The following CYTH1 variants were observed in gnomAD, a reference collection of about 807,000 sequenced individuals.
CYTH1 encodes cytohesin-1.
Under a neutral mutation model 61.8 loss-of-function variants are expected in CYTH1, and 18 were observed. The observed-to-expected ratio is 0.29, with a 90% CI of 0.20 to 0.43. CYTH1 has a LOEUF of 0.43. CYTH1 is among the 20% of genes least tolerant of loss of function. The pLI, the probability that CYTH1 is intolerant of heterozygous loss-of-function variation, is 1.00. For missense variants in CYTH1, 336 were observed against 510.5 expected (o/e 0.66, Z 3.29); for synonymous variants, 174 against 184.3 (o/e 0.94, Z 0.45).
chr17:78,704,811 C>T (rs1027607662), intron 3 of CYTH1, among the ~76,000 whole-genome samples: 1 of 152,150 alleles, frequency 6.6e-6, no homozygotes, highest in African/African-American at 2.4e-5. Flanking sequence ...CATGAGTCAT[C>T]GCATCCAGGC....
intron 9 of CYTH1, among the ~76,000 whole-genome samples, chr17:78,697,756 A>G (rs2092956380): frequency 6.6e-6 from 1 of 152,118 alleles, no homozygotes; most frequent in African/African-American, 2.4e-5. Flanking sequence ...TGGGGGCAGG[A>G]GCGCCAGGTA....
intron 1 of CYTH1, chr17:78,736,588 A>G: frequency 4.4e-6 from 1 of 226,798 alleles, no homozygotes; most frequent in Middle Eastern, 4.7e-4. Context: ...TCAGTAAACT[A>G]TCCTCACAGG....
rs138679590 is a variant in CYTH1 at position 78,718,391 on chromosome 17, T to C, written c.23-8659A>G. Among the ~76,000 whole-genome samples the C allele has an allele frequency of 2.3e-3, 353 of 152,280 alleles. 2 individuals carry two copies. Among genetic ancestry groups the C allele is most frequent in the African/African-American group, 8.0e-3 (331 of 41,546 alleles). ...CTGCTCAGAGGAGAACAACTGGCTA[T>C]TTACAAACCAGGCTTTGGGCTCAAA... On this transcript the variant is annotated intron_variant, in intron 1 of 13. Coordinates refer to ENST00000446868, the MANE Select transcript of CYTH1 (RefSeq NM_004762.6).
intron 1 of CYTH1, among the ~76,000 whole-genome samples, chr17:78,766,946 C>CT (rs1184032817): frequency 6.6e-6 from 1 of 152,198 alleles, no homozygotes; most frequent in African/African-American, 2.4e-5. Context: ...CCTTTAGAAT[C>CT]TCTCTACTTC....
At chr17:78,751,051 C>T (rs2093378123) in intron 1 of CYTH1, among the ~76,000 whole-genome samples, 1 of 151,890 alleles carries the variant, frequency 6.6e-6, no homozygotes, top group Admixed American at 6.6e-5. Context: ...TGGTGACATC[C>T]TGGCTCACTG....
At chr17:78,696,528 C>T (rs919562134) in intron 9 of CYTH1, among the ~76,000 whole-genome samples, 8 of 152,208 alleles carry the variant, frequency 5.3e-5, no homozygotes, top group Non-Finnish European at 8.8e-5. Context: ...CAGCTACAGA[C>T]GGCTGGAAGC....
At chr17:78,768,576 T>C (rs2093458064) in intron 1 of CYTH1, among the ~76,000 whole-genome samples, 1 of 152,160 alleles carries the variant, frequency 6.6e-6, no homozygotes, top group Non-Finnish European at 1.5e-5. Flanking sequence ...TTCAATGCTA[T>C]GTCCCTCCCA....
chr17:78,730,369 CAAAAAA>C (rs56790957), intron 1 of CYTH1, among the ~76,000 whole-genome samples: 7 of 95,354 alleles, frequency 7.3e-5, no homozygotes, highest in South Asian at 3.9e-4. Flanking sequence ...ACTAAAAATA[CAAAAAA>C]AAAAAAAAAA....
At chr17:78,773,300 C>T (rs2093478780) in intron 1 of CYTH1, among the ~76,000 whole-genome samples, 1 of 151,984 alleles carries the variant, frequency 6.6e-6, no homozygotes, top group South Asian at 2.1e-4. Context: ...TGAGACCCTG[C>T]TCTATTTAAT....
chr17:78,756,873 G>C (rs1036533130), intron 1 of CYTH1, among the ~76,000 whole-genome samples: 2 of 151,352 alleles, frequency 1.3e-5, no homozygotes, highest in East Asian at 3.9e-4. Context: ...AGGATGCTGA[G>C]AGGTTAGGAA....
Position 78,697,354 on chromosome 17 carries a change from T to TATGTCCAG in CYTH1, c.811+907_811+914dup, listed in dbSNP as rs1470876588. 3.3e-5 allele frequency among the ~76,000 whole-genome samples: 5 copies of TATGTCCAG among 150,670 alleles called. No homozygotes were observed. In the East Asian group the frequency reaches 7.8e-4, roughly 23 times the overall value. On this transcript the variant is annotated intron_variant, in intron 9 of 13. Transcript: ENST00000446868. ...AAAAAAAAAAAAAAAAGGACATCATTATGTCCAGAGAGTCTAGAGCTCTAT... is the reference window on the plus strand; with the variant it reads ...AAAAAAAAAAAAAAAAGGACATCATTATGTCCAGATGTCCAGAGAGTCTAGAGCTCTAT...
At chr17:78,681,109 G>A (rs1387355054) in intron 11 of CYTH1, 67 bp from the exon 12 acceptor site, 13 of 1,526,834 alleles carry the variant, frequency 8.5e-6, no homozygotes, top group South Asian at 4.7e-5. Context: ...CAGATTCCTC[G>A]CCGGTGACTC....
chr17:78,700,246 C>T lies in CYTH1; in HGVS notation c.550+85G>A. On this transcript the variant is annotated intron_variant, in intron 7 of 13. Transcript: ENST00000446868. The surrounding 1 kb of genome is among the most constrained non-coding windows in gnomAD (Gnocchi z 5.1). ...ACGTTCCTAGGCATGAATCTCAGCC[C>T]TTTTGTTTTAGAAATTATCTGGTGC... The T allele has an allele frequency of 8.2e-7, 1 of 1,212,808 alleles. No individual in the cohort carries two copies. Among genetic ancestry groups the T allele is most frequent in the South Asian group, 1.5e-5 (1 of 64,624 alleles). The allele number at this position is 1,212,808 out of a possible 1,614,324, so 75.1% of individuals were successfully genotyped here.
intron 11 of CYTH1, 142 bp from the exon 12 acceptor site, chr17:78,681,184 C>A (rs1264857713): frequency 1.3e-6 from 1 of 747,450 alleles, no homozygotes; most frequent in East Asian, 2.6e-5. Flanking sequence ...GAACTCCTTA[C>A]ATTCTAAACA....
At chr17:78,774,662 C>A (rs890158416) in intron 1 of CYTH1, among the ~76,000 whole-genome samples, 1 of 152,110 alleles carries the variant, frequency 6.6e-6, no homozygotes, top group African/African-American at 2.4e-5. Context: ...TCTCCCCAGC[C>A]CGCAGCAGCA....
Position 78,675,631 on chromosome 17 carries a change from T to TAAA in CYTH1, c.*457_*459dup. 1 of 257,214 alleles carries TAAA rather than the reference T, an allele frequency of 3.9e-6. No individual in the cohort carries two copies. Among genetic ancestry groups the TAAA allele is most frequent in the Non-Finnish European group, 7.3e-6 (1 of 137,878 alleles). 15.9% of individuals were successfully genotyped at this position (257,214 alleles called of 1,614,324 possible). Reference sequence around the variant, plus strand: ...ACCTGAACAGCCCTACGTTCTCTCTTAAAAAAAAAAAAATAGATCTTTATA... The same window carrying TAAA: ...ACCTGAACAGCCCTACGTTCTCTCTTAAAAAAAAAAAAAAAATAGATCTTTATA... On this transcript the variant is annotated 3_prime_UTR_variant, in exon 14 of 14. Coordinates refer to ENST00000446868, the MANE Select transcript of CYTH1 (RefSeq NM_004762.6).
Position 78,674,253 on chromosome 17 carries a change from A to G in CYTH1, c.*1838T>C, listed in dbSNP as rs1365399104. Reference sequence around the variant, plus strand: ...CTAAAAGGAGAAAAACTATACATAGATTATTTACACCTCTGATAAATAGAC... The same window carrying G: ...CTAAAAGGAGAAAAACTATACATAGGTTATTTACACCTCTGATAAATAGAC... On this transcript the variant is annotated 3_prime_UTR_variant, in exon 14 of 14. Transcript: ENST00000446868. 1.3e-5 allele frequency: 2 copies of G among 152,670 alleles called. No homozygotes were observed. Among genetic ancestry groups the G allele is most frequent in the Non-Finnish European group, 2.9e-5 (2 of 68,036 alleles). The allele number at this position is 152,670 out of a possible 1,614,324, so 9.5% of individuals were successfully genotyped here.
Position 78,700,090 on chromosome 17 carries a change from C to A in CYTH1, c.550+241G>T, listed in dbSNP as rs117521132. Reference sequence around the variant, plus strand: ...CATTACCAGTGTGAGCCACTGCATGCAGCTAAAACATGGTTTTTAATAGCT... The same window carrying A: ...CATTACCAGTGTGAGCCACTGCATGAAGCTAAAACATGGTTTTTAATAGCT... On this transcript the variant is annotated intron_variant, in intron 7 of 13. Transcript: ENST00000446868. This position sits in a 1 kb window ranked among gnomAD's most constrained non-coding sequence, Gnocchi z 5.1. Among the ~76,000 whole-genome samples the A allele has an allele frequency of 0.011, 1,654 of 152,336 alleles. 10 individuals carry two copies. The highest frequency in any genetic ancestry group is 0.016 in the Non-Finnish European group (1,091 of 68,026).
intron 3 of CYTH1, among the ~76,000 whole-genome samples, chr17:78,705,240 T>C (rs956923341): frequency 6.6e-6 from 1 of 152,068 alleles, no homozygotes; most frequent in Non-Finnish European, 1.5e-5. Flanking sequence ...CTCCCAGATA[T>C]CCGCCAGTCA....
Sources: gnomAD v4.1 joint callset for allele counts (sites outside exome capture counted in the v4.1 genomes callset) on GRCh38, gnomAD v4.1.1 for gene constraint, Gnocchi (gnomAD v3.1) non-coding constraint, MANE v1.5 for transcripts, NCBI Gene and HGNC (gene_info 2026-07-23, HGNC 2026-07-21) for gene names.